The following TMEM217B variants were observed in gnomAD, a reference collection of about 807,000 sequenced individuals.
TMEM217B encodes the protein putative transmembrane protein 217B.
chr6:37,230,760 G>A, the TMEM217B span, among the ~76,000 whole-genome samples: 1 of 151,972 alleles, frequency 6.6e-6, no homozygotes, highest in African/African-American at 2.4e-5. Flanking sequence ...CCAATAAAGG[G>A]GCCAAAATTC....
At chr6:37,242,155 C>T in the TMEM217B span, among the ~76,000 whole-genome samples, 1 of 152,092 alleles carries the variant, frequency 6.6e-6, no homozygotes, top group Non-Finnish European at 1.5e-5. Context: ...GATGTCCAGA[C>T]TTCAGTGGTC....
the TMEM217B span, among the ~76,000 whole-genome samples, chr6:37,249,405 C>T: frequency 1.3e-5 from 2 of 152,110 alleles, no homozygotes; most frequent in Non-Finnish European, 2.9e-5. Context: ...CTGCAACCTC[C>T]ACTTTCCAGG....
At chr6:37,253,543 T>C in the TMEM217B span, among the ~76,000 whole-genome samples, 1 of 152,242 alleles carries the variant, frequency 6.6e-6, no homozygotes, top group South Asian at 2.1e-4. Flanking sequence ...GTTGTTTAGA[T>C]ACTATAAAGC....
the TMEM217B span, among the ~76,000 whole-genome samples, chr6:37,237,813 T>TAC: frequency 1.3e-5 from 2 of 152,114 alleles, no homozygotes; most frequent in Non-Finnish European, 2.9e-5. Flanking sequence ...TCTATATATA[T>TAC]ACACACACAC....
At chr6:37,212,190 G>A in the TMEM217B span, 1 of 303,848 alleles carries the variant, frequency 3.3e-6, no homozygotes, top group Non-Finnish European at 6.4e-6. Context: ...AGATGGTTAA[G>A]TAAGCACAAG....
At chr6:37,225,381 A>AG in the TMEM217B span, among the ~76,000 whole-genome samples, 1 of 152,136 alleles carries the variant, frequency 6.6e-6, no homozygotes, top group Non-Finnish European at 1.5e-5. Context: ...TTTAAAAAAA[A>AG]CAAGCTAGTA....
the TMEM217B span, among the ~76,000 whole-genome samples, chr6:37,213,730 C>T: frequency 2.0e-5 from 3 of 152,236 alleles, no homozygotes; most frequent in African/African-American, 7.2e-5. Flanking sequence ...CTGCTGAGGG[C>T]ATGTTGATAA....
chr6:37,235,327 C>T, the TMEM217B span, among the ~76,000 whole-genome samples: 732 of 152,238 alleles, frequency 4.8e-3, 7 homozygotes, highest in Non-Finnish European at 8.1e-3. Context: ...CAGAACACCA[C>T]AGACTGGGTA....
chr6:37,217,193 C>T, the TMEM217B span, among the ~76,000 whole-genome samples: 1 of 152,186 alleles, frequency 6.6e-6, no homozygotes, highest in Non-Finnish European at 1.5e-5. Context: ...ATTCAGGAGG[C>T]TGAAGCTGGA....
chr6:37,217,021 G>C, the TMEM217B span, among the ~76,000 whole-genome samples: 1 of 152,092 alleles, frequency 6.6e-6, no homozygotes, highest in South Asian at 2.1e-4. Flanking sequence ...TAGCAGCAGT[G>C]GGTGACTCAC....
At chr6:37,235,707 T>G in the TMEM217B span, among the ~76,000 whole-genome samples, 1 of 152,266 alleles carries the variant, frequency 6.6e-6, no homozygotes, top group South Asian at 2.1e-4. Flanking sequence ...AAGTCCAAGA[T>G]CAAGGCACTG....
chr6:37,254,368 G>A, the TMEM217B span, among the ~76,000 whole-genome samples: 16 of 152,172 alleles, frequency 1.1e-4, no homozygotes, highest in African/African-American at 3.1e-4. Context: ...CTGGGCAAGG[G>A]TGGCTGCCAT....
At chr6:37,252,754 C>T in the TMEM217B span, among the ~76,000 whole-genome samples, 1 of 151,094 alleles carries the variant, frequency 6.6e-6, no homozygotes, top group African/African-American at 2.4e-5. Context: ...ATCCTCCCAC[C>T]TCAGCCTCTG....
the TMEM217B span, among the ~76,000 whole-genome samples, chr6:37,216,909 C>T: frequency 1.3e-5 from 2 of 152,038 alleles, no homozygotes; most frequent in African/African-American, 4.8e-5. Flanking sequence ...GAGAGCAGGC[C>T]CTTACCAGAC....
the TMEM217B span, among the ~76,000 whole-genome samples, chr6:37,252,633 A>ATTT: frequency 7.4e-4 from 56 of 75,238 alleles, no homozygotes; most frequent in African/African-American, 3.1e-3. Flanking sequence ...ATATATATAT[A>ATTT]TATATTTTTT....
At chr6:37,256,508 T>C in the TMEM217B span, among the ~76,000 whole-genome samples, 7 of 151,982 alleles carry the variant, frequency 4.6e-5, no homozygotes, top group Admixed American at 3.9e-4. Flanking sequence ...TAAATGCCCA[T>C]AAAGAAGATA....
chr6:37,233,384 A>T, the TMEM217B span, among the ~76,000 whole-genome samples: 1 of 152,158 alleles, frequency 6.6e-6, no homozygotes, highest in South Asian at 2.1e-4. Flanking sequence ...AAACAACAGA[A>T]ATTTATTTCT....
the TMEM217B span, among the ~76,000 whole-genome samples, chr6:37,222,186 A>T: frequency 1.2e-4 from 19 of 152,330 alleles, no homozygotes; most frequent in African/African-American, 4.6e-4. Context: ...AGGCTGGAAG[A>T]GGCACCACTT....
At chr6:37,223,325 C>T in the TMEM217B span, among the ~76,000 whole-genome samples, 2 of 152,054 alleles carry the variant, frequency 1.3e-5, no homozygotes, top group Admixed American at 6.6e-5. Flanking sequence ...GGTACTCAAA[C>T]TATGGAACAC....
Sources: allele counts gnomAD v4.1 joint callset (sites outside exome capture counted in the v4.1 genomes callset), GRCh38; gene constraint gnomAD v4.1.1; transcripts MANE v1.5; gene names NCBI Gene and HGNC (gene_info 2026-07-23, HGNC 2026-07-21).